NLGN1: variants seen among roughly 807,000 people sequenced by gnomAD.
NLGN1 encodes neuroligin 1.
NLGN1 carries 12 observed loss-of-function variants against 65.5 expected under a neutral mutation model. That is an observed-to-expected ratio of 0.18 (90% CI 0.12 to 0.30). The LOEUF (loss-of-function observed/expected upper bound fraction) is 0.30. Among genes scored for constraint, NLGN1 ranks in the 10% least tolerant of loss-of-function variants. NLGN1 has a pLI of 1.00. For synonymous variants in NLGN1, 350 were observed against 359.5 expected (o/e 0.97, Z 0.30); for missense variants, 750 against 1,007.1 (o/e 0.74, Z 3.46).
At chr3:173,903,688 G>T (rs907663952) in intron 4 of NLGN1, among the ~76,000 whole-genome samples, 4 of 152,092 alleles carry the variant, frequency 2.6e-5, no homozygotes, top group African/African-American at 7.2e-5. Context: ...GGGTAGGAAG[G>T]TATACCTGCG....
intron 4 of NLGN1, among the ~76,000 whole-genome samples, chr3:174,267,513 C>T (rs757426903): frequency 2.0e-5 from 3 of 152,118 alleles, no homozygotes; most frequent in Non-Finnish European, 4.4e-5. Context: ...TCAAGAGTCT[C>T]TCAAACTTTA....
chr3:173,874,307 C>T (rs768514261), intron 4 of NLGN1, among the ~76,000 whole-genome samples: 7 of 152,072 alleles, frequency 4.6e-5, no homozygotes, highest in African/African-American at 7.2e-5. Context: ...ACCTGTTAGG[C>T]GGTCTGATGA....
chr3:173,691,452 A>C lies in NLGN1; in HGVS notation c.493+86361A>C, dbSNP rs183552794. On this transcript the variant is annotated intron_variant, in intron 3 of 6. Coordinates refer to ENST00000457714, the Ensembl canonical transcript of NLGN1. ...ATACAGTTTTGTTCAGTAGCTGCAG[A>C]TTCTTATTTACATCATAAGGAAAAT... 2.0e-3 allele frequency among the ~76,000 whole-genome samples: 302 copies of C among 152,264 alleles called. 2 individuals carry two copies. Among genetic ancestry groups the C allele is most frequent in the Non-Finnish European group, 3.0e-3 (205 of 67,986 alleles).
intron 3 of NLGN1, among the ~76,000 whole-genome samples, chr3:173,783,063 A>G (rs1042439396): frequency 2.6e-5 from 4 of 152,172 alleles, no homozygotes; most frequent in African/African-American, 7.2e-5. Flanking sequence ...AATTTCCTTC[A>G]TTTTACATAA....
chr3:174,079,146 A>T (rs1358168957), intron 4 of NLGN1, among the ~76,000 whole-genome samples: 1 of 152,136 alleles, frequency 6.6e-6, no homozygotes, highest in Non-Finnish European at 1.5e-5. Flanking sequence ...GCATTTGATA[A>T]AGGTCTACTA....
rs1324795257 is a variant in NLGN1, at chr3:174,282,470, A to G, written c.*1167A>G. 4 of 152,194 alleles carry G rather than the reference A, an allele frequency of 2.6e-5. No individual in the cohort carries two copies. The East Asian group carries it at 7.8e-4, about 30-fold the overall frequency. 9.4% of individuals were successfully genotyped at this position (152,194 alleles called of 1,614,324 possible). A position where few individuals can be genotyped will look rare whatever the true frequency, so the allele number is the denominator to read the frequency against. ...ATAAAGTTATATCCCTCTTTACATC[A>G]CTTATCTTTCTCACTGAGGTTCATT... On this transcript the variant is annotated 3_prime_UTR_variant, in exon 7 of 7. Coordinates refer to ENST00000457714, the Ensembl canonical transcript of NLGN1.
intron 4 of NLGN1, among the ~76,000 whole-genome samples, chr3:174,153,278 C>T (rs546606308): frequency 6.6e-6 from 1 of 152,174 alleles, no homozygotes; most frequent in East Asian, 1.9e-4. Context: ...GGACAATGCT[C>T]AGTATGATGA....
chr3:174,024,407 G>T (rs1160053650), intron 4 of NLGN1, among the ~76,000 whole-genome samples: 2 of 152,106 alleles, frequency 1.3e-5, no homozygotes, highest in Non-Finnish European at 2.9e-5. Context: ...AGAGGAATAG[G>T]TTATCTGCTA....
At chr3:174,013,363 G>A (rs1725918464) in intron 4 of NLGN1, among the ~76,000 whole-genome samples, 1 of 151,926 alleles carries the variant, frequency 6.6e-6, no homozygotes. Flanking sequence ...AACACAAATT[G>A]GATTTAAGAC....
At chr3:173,708,087 C>T (rs1768329172) in intron 3 of NLGN1, among the ~76,000 whole-genome samples, 1 of 152,182 alleles carries the variant, frequency 6.6e-6, no homozygotes, top group African/African-American at 2.4e-5. Flanking sequence ...ATATTTTGAT[C>T]ATCACAGTTT....
At chr3:174,070,588 C>A in intron 4 of NLGN1, among the ~76,000 whole-genome samples, 1 of 151,824 alleles carries the variant, frequency 6.6e-6, no homozygotes, top group East Asian at 1.9e-4. Flanking sequence ...CCTCAGCAAT[C>A]CAAAGTGTTG....
rs543765519 is a variant in NLGN1, at chr3:174,010,914, G to A, written c.646+203082G>A. 5.9e-5 allele frequency among the ~76,000 whole-genome samples: 9 copies of A among 152,198 alleles called. No individual in the cohort carries two copies. In the South Asian group the frequency reaches 1.9e-3, roughly 32 times the overall value. On this transcript the variant is annotated intron_variant, in intron 4 of 6. Transcript: ENST00000457714. ...ATCTCAACTTTCAAGGTCAAAGAGG[G>A]ATTTCTTGCCCCATTCAATTACTGC...
chr3:173,957,930 TGTGA>T (rs914425422), intron 4 of NLGN1, among the ~76,000 whole-genome samples: 31 of 152,036 alleles, frequency 2.0e-4, no homozygotes, highest in Admixed American at 4.6e-4. Flanking sequence ...GCAAGGGGTG[TGTGA>T]GTGAGTGAGT....
At chr3:174,271,352 T>C (rs1749367020) in intron 4 of NLGN1, among the ~76,000 whole-genome samples, 2 of 151,700 alleles carry the variant, frequency 1.3e-5, no homozygotes, top group South Asian at 2.1e-4. Context: ...TTTGATTGTA[T>C]TGTAAGAGAC....
chr3:174,157,106 C>T (rs569824098), intron 4 of NLGN1, among the ~76,000 whole-genome samples: 11 of 151,524 alleles, frequency 7.3e-5, no homozygotes, highest in Non-Finnish European at 1.2e-4. Context: ...TTCAAAGGCA[C>T]TTGGTGAGTG....
chr3:173,724,082 A>G (rs1339589939), intron 3 of NLGN1, among the ~76,000 whole-genome samples: 1 of 152,192 alleles, frequency 6.6e-6, no homozygotes, highest in Admixed American at 6.5e-5. Flanking sequence ...ATTGGACATG[A>G]TACATGTGAA....
chr3:174,222,947 T>A (rs1477397172), intron 4 of NLGN1, among the ~76,000 whole-genome samples: 1 of 152,236 alleles, frequency 6.6e-6, no homozygotes, highest in African/African-American at 2.4e-5. Context: ...CTTTACATTT[T>A]AAAGTGTGCT....
chr3:173,446,804 C>T (rs9835930), intron 2 of NLGN1, among the ~76,000 whole-genome samples: 2,019 of 152,314 alleles, frequency 0.013, 50 homozygotes, highest in African/African-American at 0.046. Flanking sequence ...TTGCATTTCT[C>T]TGATGGCCAG....
chr3:174,194,855 C>CT (rs1733106059), intron 4 of NLGN1, among the ~76,000 whole-genome samples: 9 of 98,888 alleles, frequency 9.1e-5, no homozygotes, highest in East Asian at 5.5e-4. Context: ...ATTTTTTTTT[C>CT]TTTTTTCTTT....
Sources: gnomAD v4.1 joint callset for allele counts (sites outside exome capture counted in the v4.1 genomes callset) on GRCh38, gnomAD v4.1.1 for gene constraint, MANE v1.5 for transcripts, NCBI Gene and HGNC (gene_info 2026-07-23, HGNC 2026-07-21) for gene names.